The following CDH13 variants were observed in gnomAD, a reference collection of about 807,000 sequenced individuals.
CDH13 encodes the protein cadherin-13.
A neutral mutation model predicts 63.8 loss-of-function variants in CDH13; 24 were observed. That is an observed-to-expected ratio of 0.38 (90% CI 0.27 to 0.53). The LOEUF is 0.53. CDH13 is among the 20% of genes least tolerant of loss of function. The pLI is 0.85. For synonymous variants in CDH13, 503 were observed against 355.3 expected, an observed-to-expected ratio of 1.42 and a Z score of -4.67; for missense variants, 1,049 against 903.1, an observed-to-expected ratio of 1.16 and a Z score of -2.07.
intron 5 of CDH13, among the ~76,000 whole-genome samples, chr16:83,330,584 T>G (rs759728886): frequency 3.9e-5 from 6 of 152,118 alleles, no homozygotes; most frequent in Non-Finnish European, 8.8e-5. Flanking sequence ...CCCCAGACAG[T>G]AGGACCAATG....
intron 7 of CDH13, among the ~76,000 whole-genome samples, chr16:83,565,806 C>G (rs999942250): frequency 1.3e-5 from 2 of 151,950 alleles, no homozygotes; most frequent in Non-Finnish European, 2.9e-5. Flanking sequence ...TGGCTTCTGA[C>G]TTTTCTTTTG....
At chr16:82,827,916 A>G (rs866237132) in intron 1 of CDH13, among the ~76,000 whole-genome samples, 1 of 152,158 alleles carries the variant, frequency 6.6e-6, no homozygotes, top group South Asian at 2.1e-4. Flanking sequence ...AGAATACTCT[A>G]CCTTGCAAGG....
intron 11 of CDH13, among the ~76,000 whole-genome samples, chr16:83,753,507 C>CCT (rs1913263164): frequency 6.6e-6 from 1 of 152,146 alleles, no homozygotes; most frequent in Non-Finnish European, 1.5e-5. Context: ...GATCACACCG[C>CCT]TGCACTCTAG....
intron 6 of CDH13, among the ~76,000 whole-genome samples, chr16:83,353,006 C>G (rs1270440039): frequency 3.3e-5 from 5 of 152,182 alleles, no homozygotes; most frequent in African/African-American, 1.2e-4. Flanking sequence ...ACTTATAAGT[C>G]AGAGCTAAAT....
At chr16:82,777,310 A>T (rs553394996) in intron 1 of CDH13, among the ~76,000 whole-genome samples, 7 of 152,344 alleles carry the variant, frequency 4.6e-5, no homozygotes, top group Admixed American at 1.3e-4. Flanking sequence ...TGAACTGAGG[A>T]TCAAGAAGGT....
intron 11 of CDH13, among the ~76,000 whole-genome samples, chr16:83,771,883 C>A (rs1042401386): frequency 6.6e-6 from 1 of 152,168 alleles, no homozygotes; most frequent in Admixed American, 6.5e-5. Context: ...AAAAATATCT[C>A]CTTACATCCC....
intron 1 of CDH13, among the ~76,000 whole-genome samples, chr16:82,811,085 A>G (rs2037418828): frequency 6.6e-6 from 1 of 152,152 alleles, no homozygotes; most frequent in African/African-American, 2.4e-5. Flanking sequence ...TATTTATACT[A>G]TATCATTGTG....
At chr16:82,913,534 T>C (rs1023422814) in intron 2 of CDH13, among the ~76,000 whole-genome samples, 1 of 152,178 alleles carries the variant, frequency 6.6e-6, no homozygotes, top group East Asian at 1.9e-4. Context: ...AGTTGATGGC[T>C]TGTTACTGTG....
chr16:83,517,463 T>C (rs2074724323), intron 7 of CDH13, among the ~76,000 whole-genome samples: 1 of 152,198 alleles, frequency 6.6e-6, no homozygotes, highest in African/African-American at 2.4e-5. Flanking sequence ...TCTGCCAGCT[T>C]GCAGCATGTG....
At chr16:83,265,979 C>G (rs1013210624) in intron 5 of CDH13, among the ~76,000 whole-genome samples, 4 of 152,016 alleles carry the variant, frequency 2.6e-5, no homozygotes, top group South Asian at 2.1e-4. Flanking sequence ...CTCTGTCGCC[C>G]AGGCTAGAGT....
intron 7 of CDH13, among the ~76,000 whole-genome samples, chr16:83,509,157 CA>C (rs1388949852): frequency 3.9e-5 from 6 of 152,212 alleles, no homozygotes; most frequent in Non-Finnish European, 7.3e-5. Context: ...TTTCTTACCT[CA>C]GAGTTTCAAA....
intron 1 of CDH13, among the ~76,000 whole-genome samples, chr16:82,680,018 A>G (rs1007513934): frequency 6.6e-6 from 1 of 152,164 alleles, no homozygotes; most frequent in East Asian, 1.9e-4. Context: ...TCTTCTTTGG[A>G]ATGGAGGTTC....
intron 2 of CDH13, among the ~76,000 whole-genome samples, chr16:82,921,641 T>C (rs2042158292): frequency 6.6e-6 from 1 of 152,216 alleles, no homozygotes; most frequent in Non-Finnish European, 1.5e-5. Context: ...TTATTAAATA[T>C]AGCTTGCAAA....
intron 1 of CDH13, among the ~76,000 whole-genome samples, chr16:82,651,442 C>G (rs1910708518): frequency 6.6e-6 from 1 of 152,220 alleles, no homozygotes; most frequent in African/African-American, 2.4e-5. Context: ...TTGTCTTCTT[C>G]AGCAAACAAT....
chr16:83,709,343 A>G (rs1347382599), intron 10 of CDH13, among the ~76,000 whole-genome samples: 1 of 152,202 alleles, frequency 6.6e-6, no homozygotes, highest in Admixed American at 6.5e-5. Context: ...GGAACCTGAG[A>G]TATTAACCTT....
In CDH13 at chr16:83,080,871, G is replaced by GTTTTTTTTTTTTTTTTTTTTTTTTT. The variant is rs71148809; in HGVS notation, c.367-44511_367-44487dup. On this transcript the variant is annotated intron_variant, in intron 3 of 13. Coordinates refer to ENST00000567109, the MANE Select transcript of CDH13 (RefSeq NM_001257.5). ...AGATAGAGTTTTGTTTTGTTTTTGT[G>GTTTTTTTTTTTTTTTTTTTTTTTTT]TTTTTTTTTTTTTTTTTTTTTTTTT... Among the ~76,000 whole-genome samples the GTTTTTTTTTTTTTTTTTTTTTTTTT allele has an allele frequency of 4.7e-4, 22 of 46,956 alleles. 6 individuals are homozygous for GTTTTTTTTTTTTTTTTTTTTTTTTT. Among genetic ancestry groups the GTTTTTTTTTTTTTTTTTTTTTTTTT allele is most frequent in the African/African-American group, 1.2e-3 (13 of 10,816 alleles). The allele number at this position is 46,956 out of a possible 152,430, so 30.8% of individuals were successfully genotyped here.
intron 10 of CDH13, among the ~76,000 whole-genome samples, chr16:83,697,443 C>T (rs1905556725): frequency 6.6e-6 from 1 of 152,214 alleles, no homozygotes; most frequent in Non-Finnish European, 1.5e-5. Flanking sequence ...TGCGCCATGC[C>T]TTACAGAAGA....
intron 3 of CDH13, among the ~76,000 whole-genome samples, chr16:83,123,125 A>C (rs1214943572): frequency 1.3e-5 from 2 of 151,896 alleles, no homozygotes; most frequent in African/African-American, 4.8e-5. Context: ...AGGCTTGAGT[A>C]GTATTTTATG....
chr16:83,018,935 G>A (rs1046835062), intron 2 of CDH13, among the ~76,000 whole-genome samples: 6 of 152,204 alleles, frequency 3.9e-5, no homozygotes, highest in East Asian at 1.9e-4. Flanking sequence ...AATAGAGGTG[G>A]TAGGATTGGA....
Sources: gnomAD v4.1 joint callset for allele counts (sites outside exome capture counted in the v4.1 genomes callset) on GRCh38, gnomAD v4.1.1 for gene constraint, MANE v1.5 for transcripts, NCBI Gene and HGNC (gene_info 2026-07-23, HGNC 2026-07-21) for gene names.